Variants in LRRC4C observed in about 807,000 individuals in gnomAD.
LRRC4C encodes the protein leucine-rich repeat-containing protein 4C.
A neutral mutation model predicts 33.6 loss-of-function variants in LRRC4C; 5 were observed. The observed-to-expected ratio is 0.15, with a 90% confidence interval of 0.08 to 0.31. The LOEUF is 0.31. Ranked by LOEUF, LRRC4C falls within the 10% of genes least tolerant of loss-of-function variation. The probability of loss-of-function intolerance (pLI) is 1.00; values close to 1 mark genes in which losing one functional copy is unlikely to be tolerated. For synonymous variants in LRRC4C, 329 were observed against 302.0 expected, an observed-to-expected ratio of 1.09 and a Z score of -0.93; for missense variants, 560 against 796.7, an observed-to-expected ratio of 0.70 and a Z score of 3.58.
chr11:41,246,559 C>G (rs752360751), intron 1 of LRRC4C, among the ~76,000 whole-genome samples: 1 of 152,204 alleles, frequency 6.6e-6, no homozygotes, highest in African/African-American at 2.4e-5. Flanking sequence ...GGGCTTCCAC[C>G]TGTTCCCAGC....
At chr11:41,218,755 CATATGT>C (rs1188559350) in intron 1 of LRRC4C, among the ~76,000 whole-genome samples, 3 of 148,910 alleles carry the variant, frequency 2.0e-5, no homozygotes, top group African/African-American at 7.4e-5. Flanking sequence ...TATGCATATG[CATATGT>C]CATTTTTTTT....
intron 1 of LRRC4C, among the ~76,000 whole-genome samples, chr11:41,010,141 G>A (rs1425916853): frequency 1.3e-5 from 2 of 152,104 alleles, no homozygotes; most frequent in Non-Finnish European, 2.9e-5. Context: ...CTAATGACAC[G>A]TGATTACAGA....
intron 1 of LRRC4C, among the ~76,000 whole-genome samples, chr11:41,053,093 C>A (rs528520043): frequency 6.6e-6 from 1 of 152,178 alleles, no homozygotes; most frequent in African/African-American, 2.4e-5. Context: ...ACACATGTGA[C>A]AAAACTGTCA....
intron 2 of LRRC4C, among the ~76,000 whole-genome samples, chr11:40,678,804 C>T (rs1944537111): frequency 6.6e-6 from 1 of 152,106 alleles, no homozygotes; most frequent in Non-Finnish European, 1.5e-5. Context: ...AATTACCCAG[C>T]CACCAGCATG....
rs1220199866 is a variant in LRRC4C at position 40,619,982 on chromosome 11, C to T, written c.-270+28160G>A. On this transcript the variant is annotated intron_variant, in intron 3 of 6. Coordinates refer to ENST00000528697, the MANE Select transcript of LRRC4C (RefSeq NM_001258419.2). ...AACCTGCACTGTTGAGTGTGTTAGC[C>T]AACAAATGCAAAAGTTCATTACATA... Among the ~76,000 whole-genome samples, 10 of 142,538 alleles carry T rather than the reference C, an allele frequency of 7.0e-5. No individual in the cohort carries two copies. The Admixed American group carries it at 7.4e-4, about 10-fold the overall frequency. The allele number at this position is 142,538 out of a possible 152,430, so 93.5% of individuals were successfully genotyped here.
At chr11:41,065,931 G>A (rs1415085904) in intron 1 of LRRC4C, among the ~76,000 whole-genome samples, 1 of 152,160 alleles carries the variant, frequency 6.6e-6, no homozygotes, top group Non-Finnish European at 1.5e-5. Flanking sequence ...AAAGATCAAA[G>A]TTGGATAAAT....
chr11:40,668,658 G>C (rs1162706019), intron 2 of LRRC4C, among the ~76,000 whole-genome samples: 1 of 152,154 alleles, frequency 6.6e-6, no homozygotes, highest in Non-Finnish European at 1.5e-5. Flanking sequence ...TAATGAGAGA[G>C]GAAAATGTAG....
intron 1 of LRRC4C, among the ~76,000 whole-genome samples, chr11:41,393,615 A>C (rs553365899): frequency 1.3e-5 from 2 of 152,028 alleles, no homozygotes; most frequent in Middle Eastern, 6.8e-3. Context: ...GCATAAAAGC[A>C]CTCAAGAAGA....
chr11:40,638,987 C>T (rs1215829270), intron 3 of LRRC4C, among the ~76,000 whole-genome samples: 9 of 151,966 alleles, frequency 5.9e-5, no homozygotes, highest in East Asian at 5.8e-4. Context: ...TCCGAGGCTC[C>T]GAAGTTGGTG....
chr11:40,300,569 A>C (rs1944724244), intron 4 of LRRC4C, among the ~76,000 whole-genome samples: 2 of 152,164 alleles, frequency 1.3e-5, no homozygotes, highest in Admixed American at 6.5e-5. Flanking sequence ...ATCTGTGGGC[A>C]ATTGATTCCA....
At chr11:40,787,567 C>T (rs1427223284) in intron 2 of LRRC4C, among the ~76,000 whole-genome samples, 1 of 152,188 alleles carries the variant, frequency 6.6e-6, no homozygotes, top group Non-Finnish European at 1.5e-5. Flanking sequence ...CTCTCTGATG[C>T]TGATCACTGT....
chr11:41,279,424 A>AC (rs1227274322), intron 1 of LRRC4C, among the ~76,000 whole-genome samples: 2 of 128,628 alleles, frequency 1.6e-5, no homozygotes, highest in Non-Finnish European at 3.2e-5. Flanking sequence ...ACACACACAC[A>AC]CACACCGTGG....
intron 1 of LRRC4C, among the ~76,000 whole-genome samples, chr11:41,245,035 A>C (rs1048603352): frequency 1.3e-5 from 2 of 152,198 alleles, no homozygotes; most frequent in African/African-American, 4.8e-5. Context: ...TTTAAAACCT[A>C]ATCAGTGCAT....
chr11:41,345,120 G>A (rs1418812089), intron 1 of LRRC4C, among the ~76,000 whole-genome samples: 1 of 152,170 alleles, frequency 6.6e-6, no homozygotes, highest in Non-Finnish European at 1.5e-5. Flanking sequence ...GGTGAAATAA[G>A]CTATGTTTTC....
At chr11:40,647,270 C>A (rs546523707) in intron 3 of LRRC4C, among the ~76,000 whole-genome samples, 1 of 152,238 alleles carries the variant, frequency 6.6e-6, no homozygotes, top group Non-Finnish European at 1.5e-5. Context: ...CTTAAAGCAG[C>A]AAAAATAATT....
rs562729119 is a variant in LRRC4C, at chr11:40,593,146, C to CAG, written c.-270+54994_-270+54995dup. Among the ~76,000 whole-genome samples, 164 of 152,252 alleles carry CAG rather than the reference C, an allele frequency of 1.1e-3. 1 individual carries two copies. The Middle Eastern group carries it at 0.014, about 13-fold the overall frequency. ...GGACTAGATGTGCAGAGAGAAACCA[C>CAG]AGAGAGAGATGCTATGTAAATACAT... On this transcript the variant is annotated intron_variant, in intron 3 of 6. Coordinates refer to ENST00000528697, the MANE Select transcript of LRRC4C (RefSeq NM_001258419.2).
chr11:41,363,451 C>T (rs1341387264), intron 1 of LRRC4C, among the ~76,000 whole-genome samples: 2 of 152,174 alleles, frequency 1.3e-5, no homozygotes, highest in East Asian at 3.9e-4. Context: ...ATCTTCAATT[C>T]CATCCTAAAT....
At position 41,186,729 on chromosome 11, in the gene LRRC4C, T is replaced by C. The variant is rs1189437671; in HGVS notation, c.-495-253006A>G. Among the ~76,000 whole-genome samples, 3 of 152,248 alleles carry C rather than the reference T, an allele frequency of 2.0e-5. No individual in the cohort carries two copies. In the East Asian group the frequency reaches 5.8e-4, roughly 29 times the overall value. ...TATCTAGTAACATCAGGAAGTACTA[T>C]TAATGGAACAAGAACATAATTTCAA... On this transcript the variant is annotated intron_variant, in intron 1 of 6. Coordinates refer to ENST00000528697, the MANE Select transcript of LRRC4C (RefSeq NM_001258419.2).
chr11:40,476,961 AT>A (rs144209672), intron 3 of LRRC4C, among the ~76,000 whole-genome samples: 1 of 152,048 alleles, frequency 6.6e-6, no homozygotes, highest in African/African-American at 2.4e-5. Flanking sequence ...CATCTTTGCC[AT>A]TTTTTTCCCA....
Sources: gnomAD v4.1 joint callset for allele counts (sites outside exome capture counted in the v4.1 genomes callset) on GRCh38, gnomAD v4.1.1 for gene constraint, MANE v1.5 for transcripts, NCBI Gene and HGNC (gene_info 2026-07-23, HGNC 2026-07-21) for gene names.